Variants in GRM1 observed in about 807,000 individuals in gnomAD.
GRM1 encodes metabotropic glutamate receptor 1.
In GRM1, 33 loss-of-function variants were observed where a neutral mutation model predicts 90.9. The ratio of observed to expected loss-of-function variants is 0.36; its 90% confidence interval spans 0.28 to 0.49. GRM1 has a LOEUF of 0.49. Among genes scored for constraint, GRM1 ranks in the 20% least tolerant of loss-of-function variants. GRM1 has a pLI of 0.99. For synonymous variants in GRM1, 700 were observed against 613.2 expected (o/e 1.14, Z -2.09); for missense variants, 1,190 against 1,534.3 (o/e 0.78, Z 3.75).
rs769493498 is a variant in GRM1, at chr6:146,298,388, G to T, written c.951-6223G>T. 3.9e-5 allele frequency among the ~76,000 whole-genome samples: 6 copies of T among 152,226 alleles called. No homozygotes were observed. The East Asian group carries it at 9.7e-4, about 25-fold the overall frequency. On this transcript the variant is annotated intron_variant, in intron 2 of 7. Coordinates refer to ENST00000282753, the MANE Select transcript of GRM1 (RefSeq NM_001278064.2). ...ATGAGAGATCACTAAAAAATAGGTG[G>T]TAATAGAAATTTTAGTAACGAGGCT...
chr6:146,367,184 G>A (rs1583395596), intron 5 of GRM1, among the ~76,000 whole-genome samples: 1 of 152,010 alleles, frequency 6.6e-6, no homozygotes, highest in South Asian at 2.1e-4. Flanking sequence ...TATTTTCTTG[G>A]AGTCTTTGTA....
At chr6:146,053,291 G>A (rs531731950) in intron 1 of GRM1, among the ~76,000 whole-genome samples, 3 of 151,972 alleles carry the variant, frequency 2.0e-5, no homozygotes, top group Non-Finnish European at 4.4e-5. Context: ...ACAAGGTTTT[G>A]CCCAACATGT....
chr6:146,108,336 G>A (rs1775407368), intron 1 of GRM1, among the ~76,000 whole-genome samples: 1 of 152,128 alleles, frequency 6.6e-6, no homozygotes, highest in Admixed American at 6.6e-5. Context: ...GAGGAACCTG[G>A]TGGGAGGTGA....
chr6:146,059,939 G>A (rs1044219857), intron 1 of GRM1, among the ~76,000 whole-genome samples: 8 of 152,182 alleles, frequency 5.3e-5, no homozygotes, highest in African/African-American at 1.9e-4. Context: ...TTAAGGGAAT[G>A]TTGTGAATGG....
At position 146,361,792 on chromosome 6, in the gene GRM1, G is replaced by A. The variant is rs1775486522; in HGVS notation, c.1602+4098G>A. Among the ~76,000 whole-genome samples the A allele has an allele frequency of 2.0e-5, 3 of 152,194 alleles. No homozygotes were observed. The South Asian group carries it at 6.2e-4, about 31-fold the overall frequency. The stretch of plus-strand genomic sequence containing the variant: ...AGCTCAAAGCTGTTATCATCCCACG[G>A]ACACATGTTGTTCAACTATCTTTCA... On this transcript the variant is annotated intron_variant, in intron 5 of 7. Transcript: ENST00000282753.
At chr6:146,307,365 T>C (rs1459351201) in intron 3 of GRM1, among the ~76,000 whole-genome samples, 1 of 152,210 alleles carries the variant, frequency 6.6e-6, no homozygotes, top group Non-Finnish European at 1.5e-5. Flanking sequence ...ATTTAACTTT[T>C]CTATTTGAAT....
chr6:146,139,652 T>A (rs1316992132), intron 1 of GRM1, among the ~76,000 whole-genome samples: 4 of 152,218 alleles, frequency 2.6e-5, no homozygotes, highest in African/African-American at 9.6e-5. Context: ...TCCATTTGCA[T>A]GGAATATAGT....
At chr6:146,032,341 T>A (rs975374788) in intron 1 of GRM1, among the ~76,000 whole-genome samples, 1 of 152,216 alleles carries the variant, frequency 6.6e-6, no homozygotes, top group Non-Finnish European at 1.5e-5. Flanking sequence ...TCATATATAA[T>A]ACCTTGTTTC....
chr6:146,302,896 G>A (rs1460140651), intron 2 of GRM1, among the ~76,000 whole-genome samples: 2 of 151,774 alleles, frequency 1.3e-5, no homozygotes, highest in Admixed American at 1.3e-4. Context: ...AACGAAGGGA[G>A]GAAGGGAGGG....
At chr6:146,337,764 A>G (rs1400215669) in intron 3 of GRM1, among the ~76,000 whole-genome samples, 2 of 152,250 alleles carry the variant, frequency 1.3e-5, no homozygotes, top group Non-Finnish European at 2.9e-5. Flanking sequence ...TGAAAATACT[A>G]TAATAAATGT....
intron 2 of GRM1, among the ~76,000 whole-genome samples, chr6:146,214,022 AG>A (rs1779783626): frequency 6.6e-6 from 1 of 152,140 alleles, no homozygotes. Context: ...TAGCTCCCAG[AG>A]AAAAAGAGAG....
At chr6:146,040,450 G>A (rs1791057692) in intron 1 of GRM1, among the ~76,000 whole-genome samples, 1 of 151,962 alleles carries the variant, frequency 6.6e-6, no homozygotes, top group Admixed American at 6.6e-5. Context: ...TCTAAGAAAG[G>A]TCTGGGGGTG....
intron 2 of GRM1, among the ~76,000 whole-genome samples, chr6:146,263,790 C>G (rs1781779548): frequency 6.6e-6 from 1 of 151,984 alleles, no homozygotes; most frequent in Non-Finnish European, 1.5e-5. Flanking sequence ...GAAAAATCAA[C>G]TATTTCATTT....
At chr6:146,306,553 T>C (rs1783586548) in intron 3 of GRM1, among the ~76,000 whole-genome samples, 1 of 152,216 alleles carries the variant, frequency 6.6e-6, no homozygotes, top group Non-Finnish European at 1.5e-5. Context: ...AGTCAAAGCA[T>C]CCTTACTTGC....
chr6:146,233,445 A>G (rs1245691949), intron 2 of GRM1, among the ~76,000 whole-genome samples: 1 of 152,122 alleles, frequency 6.6e-6, no homozygotes, highest in Non-Finnish European at 1.5e-5. Context: ...TGACTGTTGA[A>G]CATTTACTAT....
At chr6:146,381,050 G>C (rs1394578783) in intron 5 of GRM1, among the ~76,000 whole-genome samples, 1 of 152,148 alleles carries the variant, frequency 6.6e-6, no homozygotes, top group Non-Finnish European at 1.5e-5. Context: ...GGAAAGAAGA[G>C]GTCTCTTTTG....
At position 146,104,026 on chromosome 6, in the gene GRM1, G is replaced by A. The variant is rs151142617; in HGVS notation, c.701-55322G>A. Among the ~76,000 whole-genome samples the A allele has an allele frequency of 9.4e-4, 143 of 152,238 alleles. 1 individual carries two copies. The highest frequency in any genetic ancestry group is 3.3e-3 in the African/African-American group (138 of 41,556). On this transcript the variant is annotated intron_variant, in intron 1 of 7. Transcript: ENST00000282753. ...AAAGAGAATGGTTTGGGAGTTGCTTGTTTTGCAGCTGTGTAAGATGTCTGG... is the reference window on the plus strand; with the variant it reads ...AAAGAGAATGGTTTGGGAGTTGCTTATTTTGCAGCTGTGTAAGATGTCTGG...
In GRM1 at chr6:146,159,556, G is replaced by T. The variant is rs1264741529; in HGVS notation, c.909G>T (p.Met303Ile). The change falls in exon 2 of 8, where the codon ATG (methionine) becomes ATT (isoleucine). Residue 303 changes from methionine to isoleucine, a missense_variant. Met to Ile is a conservative substitution (Grantham distance 10). Transcript: ENST00000282753. The stretch of plus-strand genomic sequence containing the variant: ...CAGTGCGAGGACTCCTGAGCGCCAT[G>T]CGGCGCCTTGGCGTCGTGGGCGAGT... ...GMTVRGLLSA[M>I]RRLGVVGEFS... The T allele has an allele frequency of 6.2e-7, 1 of 1,614,004 alleles. No homozygotes were observed.
rs368954951 is a variant in GRM1, at chr6:146,099,879, T to TATAC, written c.701-59468_701-59465dup. 2.9e-3 allele frequency among the ~76,000 whole-genome samples: 449 copies of TATAC among 152,310 alleles called. 2 individuals carry two copies. The highest frequency in any genetic ancestry group is 0.01 in the African/African-American group (432 of 41,570). On this transcript the variant is annotated intron_variant, in intron 1 of 7. Coordinates refer to ENST00000282753, the MANE Select transcript of GRM1 (RefSeq NM_001278064.2). Reference sequence around the variant, plus strand: ...TTGGTGCATGCATTTCTCTAAGGTATATACTTAGCAGTGGAATTGCTGGGT... The same window carrying TATAC: ...TTGGTGCATGCATTTCTCTAAGGTATATACATACTTAGCAGTGGAATTGCTGGGT...
Sources: allele counts gnomAD v4.1 joint callset (sites outside exome capture counted in the v4.1 genomes callset), GRCh38; gene constraint gnomAD v4.1.1; transcripts MANE v1.5; gene names NCBI Gene and HGNC (gene_info 2026-07-23, HGNC 2026-07-21).